C3orf85: variants seen among roughly 807,000 people sequenced by gnomAD.
C3orf85 encodes the protein chromosome 3 open reading frame 85.
In C3orf85, 1 loss-of-function variant was observed where a neutral mutation model predicts 1.7. The ratio of observed to expected loss-of-function variants is 0.60; its 90% CI spans 0.21 to 2.86. The LOEUF is 2.86. Among genes scored for constraint, C3orf85 ranks in the 30% most tolerant of loss-of-function variants. The pLI, the probability that C3orf85 is intolerant of heterozygous loss-of-function variation, is 0.22. For missense variants in C3orf85, 29 were observed against 21.3 expected (o/e 1.36, Z -0.72); for synonymous variants, 17 against 8.0 (o/e 2.13, Z -1.90).
In C3orf85 at chr3:109,137,643, A is replaced by G. The variant is rs1024561897; in HGVS notation, c.49+747A>G. Among the ~76,000 whole-genome samples the G allele has an allele frequency of 4.4e-3, 584 of 132,950 alleles. 4 individuals carry two copies. Among genetic ancestry groups the G allele is most frequent in the African/African-American group, 0.014 (526 of 38,430 alleles). The allele number at this position is 132,950 out of a possible 152,430, so 87.2% of individuals were successfully genotyped here. ...TATGTGTGTGTGTGTGTGTGTATATATATATATATATATATATATATATAT... is the reference window on the plus strand; with the variant it reads ...TATGTGTGTGTGTGTGTGTGTATATGTATATATATATATATATATATATAT... On this transcript the variant is annotated intron_variant, in intron 2 of 3. Coordinates refer to ENST00000622536, the MANE Select transcript of C3orf85 (RefSeq NM_001351622.2).
At position 109,139,485 on chromosome 3, in the gene C3orf85, G is replaced by A. The variant is rs1404753665; in HGVS notation, c.49+2589G>A. ...AAACAGCTTTATATCACATACAAAG[G>A]AAATATGGAAATATGGAAAAAAAAC... On this transcript the variant is annotated intron_variant, in intron 2 of 3. Transcript: ENST00000622536. Among the ~76,000 whole-genome samples, 3 of 152,158 alleles carry A rather than the reference G, an allele frequency of 2.0e-5. No homozygotes were observed. In the East Asian group the frequency reaches 5.8e-4, roughly 29 times the overall value.
At chr3:109,147,171 A>G (rs970795200) in intron 2 of C3orf85, among the ~76,000 whole-genome samples, 8 of 152,118 alleles carry the variant, frequency 5.3e-5, no homozygotes, top group Non-Finnish European at 1.2e-4. Context: ...GAAAACGCCT[A>G]CTTGTACCCC....
At chr3:109,146,856 T>A (rs1263969252) in intron 2 of C3orf85, among the ~76,000 whole-genome samples, 1 of 152,198 alleles carries the variant, frequency 6.6e-6, no homozygotes, top group Non-Finnish European at 1.5e-5. Context: ...AGTAGTAATT[T>A]TTGGGAGCCA....
intron 2 of C3orf85, among the ~76,000 whole-genome samples, chr3:109,143,055 C>A (rs544213830): frequency 1.3e-5 from 2 of 152,182 alleles, no homozygotes; most frequent in Admixed American, 1.3e-4. Flanking sequence ...CTAAGCTGGA[C>A]ATGGTCAAGT....
At chr3:109,147,919 A>G (rs940868187) in intron 2 of C3orf85, among the ~76,000 whole-genome samples, 1 of 152,224 alleles carries the variant, frequency 6.6e-6, no homozygotes, top group African/African-American at 2.4e-5. Flanking sequence ...AAGTGCGAAG[A>G]AATCAAGCAA....
chr3:109,149,209 G>A (rs959540859), intron 3 of C3orf85: 6 of 151,908 alleles, frequency 3.9e-5, no homozygotes, highest in African/African-American at 1.4e-4. Flanking sequence ...CATATCTCAG[G>A]ATCTGATTAT....
intron 2 of C3orf85, among the ~76,000 whole-genome samples, chr3:109,143,103 C>G (rs993915294): frequency 6.6e-6 from 1 of 152,154 alleles, no homozygotes; most frequent in East Asian, 1.9e-4. Flanking sequence ...GAAGCACTGC[C>G]CCTTCCCAGG....
intron 2 of C3orf85, among the ~76,000 whole-genome samples, chr3:109,141,112 G>A (rs939105542): frequency 2.6e-5 from 4 of 152,118 alleles, no homozygotes; most frequent in East Asian, 1.9e-4. Context: ...TCAGCCTCCT[G>A]AGTAGCTGGG....
intron 2 of C3orf85, among the ~76,000 whole-genome samples, chr3:109,144,097 T>C (rs1354994144): frequency 6.6e-6 from 1 of 152,202 alleles, no homozygotes; most frequent in Non-Finnish European, 1.5e-5. Context: ...ACCTGGTTGA[T>C]ATTGCCTACA....
chr3:109,138,416 C>G (rs1367989744), intron 2 of C3orf85, among the ~76,000 whole-genome samples: 2 of 152,178 alleles, frequency 1.3e-5, no homozygotes, highest in Non-Finnish European at 2.9e-5. Flanking sequence ...GTTTCTACAT[C>G]ATGTAGCTCT....
intron 3 of C3orf85, chr3:109,149,524 G>T (rs1249484636): frequency 4.1e-6 from 1 of 243,940 alleles, no homozygotes; most frequent in Non-Finnish European, 7.8e-6. Context: ...GTACTCTCCT[G>T]CCTCTACTTG....
intron 2 of C3orf85, among the ~76,000 whole-genome samples, chr3:109,143,473 A>C (rs1263374689): frequency 6.6e-6 from 1 of 152,080 alleles, no homozygotes; most frequent in African/African-American, 2.4e-5. Context: ...ATATGAATAC[A>C]TTTTTATCTG....
At position 109,148,238 on chromosome 3, in the gene C3orf85, G is replaced by A. The variant is rs979395535; in HGVS notation, c.50-15G>A. 1.4e-6 allele frequency: 1 copy of A among 700,462 alleles called. No homozygotes were observed. The highest frequency in any genetic ancestry group is 1.5e-5 in the South Asian group (1 of 67,324). The allele number at this position is 700,462 out of a possible 1,614,324, so 43.4% of individuals were successfully genotyped here. Reference sequence around the variant, plus strand: ...TGCTCTAAAAGATGCTGTGCTCTTGGACTCTAAATTGCAGGAGCATTGGGA... The same window carrying A: ...TGCTCTAAAAGATGCTGTGCTCTTGAACTCTAAATTGCAGGAGCATTGGGA... On this transcript the variant is annotated splice_polypyrimidine_tract_variant and intron_variant, in intron 2 of 3. Coordinates refer to ENST00000622536, the MANE Select transcript of C3orf85 (RefSeq NM_001351622.2).
At chr3:109,141,217 C>T (rs1706740609) in intron 2 of C3orf85, among the ~76,000 whole-genome samples, 1 of 152,112 alleles carries the variant, frequency 6.6e-6, no homozygotes, top group Admixed American at 6.5e-5. Flanking sequence ...AAACTCTTGA[C>T]CTCAGGTGAT....
chr3:109,151,107 A>G lies in C3orf85; in HGVS notation c.*1213A>G, dbSNP rs563344969. On this transcript the variant is annotated 3_prime_UTR_variant, in exon 4 of 4. Transcript: ENST00000622536. The stretch of plus-strand genomic sequence containing the variant: ...ATTAAGTTAACTGCTATCCATTTCC[A>G]ATAAATATGAACATAGATTTTTAAA... Among the ~76,000 whole-genome samples the G allele has an allele frequency of 5.3e-5, 8 of 152,358 alleles. No individual in the cohort carries two copies. The South Asian group carries it at 1.7e-3, about 32-fold the overall frequency.
chr3:109,150,729 T>G lies in C3orf85; in HGVS notation c.*835T>G, dbSNP rs73853830. Among the ~76,000 whole-genome samples, 4,733 of 152,240 alleles carry G rather than the reference T, an allele frequency of 0.031. 226 individuals carry two copies. Among genetic ancestry groups the G allele is most frequent in the African/African-American group, 0.11 (4,399 of 41,520 alleles). On this transcript the variant is annotated 3_prime_UTR_variant, in exon 4 of 4. Transcript: ENST00000622536. ...GAGATGATACAACTAATTGCCAAGA[T>G]TGCCCCCCAAAATCACAGGTAAATG... is the stretch of plus-strand genomic sequence containing the variant.
chr3:109,143,814 A>G (rs1031051652), intron 2 of C3orf85, among the ~76,000 whole-genome samples: 124 of 152,224 alleles, frequency 8.1e-4, no homozygotes, highest in African/African-American at 2.9e-3. Flanking sequence ...CGAGGCCAAG[A>G]AAAGACTCTG....
chr3:109,139,113 G>A (rs986507330), intron 2 of C3orf85, among the ~76,000 whole-genome samples: 1 of 152,208 alleles, frequency 6.6e-6, no homozygotes, highest in Non-Finnish European at 1.5e-5. Context: ...GGGAATTCAA[G>A]TGACCAAGCT....
intron 2 of C3orf85, among the ~76,000 whole-genome samples, chr3:109,137,637 G>GTGTGTGTGTATATATATA (rs751674362): frequency 3.3e-3 from 264 of 79,888 alleles, no homozygotes; most frequent in Non-Finnish European, 6.1e-3. Flanking sequence ...GTGTGTGTGT[G>GTGTGTGTGTATATATATA]TATATATATA....
Sources: allele counts gnomAD v4.1 joint callset (sites outside exome capture counted in the v4.1 genomes callset), GRCh38; gene constraint gnomAD v4.1.1; transcripts MANE v1.5; gene names NCBI Gene and HGNC (gene_info 2026-07-23, HGNC 2026-07-21).